Variants in ILRUN observed in about 807,000 individuals in gnomAD.
The protein encoded by ILRUN is inflammation and lipid regulator with UBA-like and NBR1-like domains.
ILRUN carries 3 observed loss-of-function variants against 33.8 expected under a neutral mutation model. That is an observed-to-expected ratio of 0.09 (90% CI 0.04 to 0.23). ILRUN has a LOEUF of 0.23. Ranked by LOEUF, ILRUN falls within the 10% of genes least tolerant of loss-of-function variation. The pLI is 1.00. For synonymous variants in ILRUN, 124 were observed against 138.9 expected (o/e 0.89, Z 0.75); for missense variants, 210 against 375.1 (o/e 0.56, Z 3.64).
chr6:34,629,920 T>C (rs1762210685), intron 3 of ILRUN, among the ~76,000 whole-genome samples: 1 of 152,170 alleles, frequency 6.6e-6, no homozygotes, highest in South Asian at 2.1e-4. Flanking sequence ...ATCCCATATA[T>C]ACTATGTTCT....
chr6:34,637,410 T>C (rs1762385769), intron 3 of ILRUN, among the ~76,000 whole-genome samples: 1 of 152,196 alleles, frequency 6.6e-6, no homozygotes, highest in South Asian at 2.1e-4. Context: ...TAAGGAAATA[T>C]CACTACTCCC....
At chr6:34,672,745 C>T (rs1763142379) in intron 1 of ILRUN, among the ~76,000 whole-genome samples, 1 of 151,654 alleles carries the variant, frequency 6.6e-6, no homozygotes, top group Non-Finnish European at 1.5e-5. Flanking sequence ...AGAACCAGAC[C>T]AGAAAGTCCA....
chr6:34,692,480 T>C (rs577052455), intron 1 of ILRUN, among the ~76,000 whole-genome samples: 3 of 152,296 alleles, frequency 2.0e-5, no homozygotes, highest in African/African-American at 4.8e-5. Flanking sequence ...ATGTCAACAG[T>C]TGCCCAGTTA....
At chr6:34,658,850 T>C (rs1450010257) in intron 1 of ILRUN, among the ~76,000 whole-genome samples, 1 of 152,168 alleles carries the variant, frequency 6.6e-6, no homozygotes, top group Non-Finnish European at 1.5e-5. Context: ...CTCCAACTCT[T>C]GGCTGTGGGG....
At chr6:34,644,415 T>G (rs1762529099) in intron 3 of ILRUN, among the ~76,000 whole-genome samples, 1 of 152,088 alleles carries the variant, frequency 6.6e-6, no homozygotes, top group African/African-American at 2.4e-5. Flanking sequence ...TTTATCAAAT[T>G]AAATGGGTAG....
rs182411794 is a variant in ILRUN at position 34,687,867 on chromosome 6, A to T, written c.158+8579T>A. On this transcript the variant is annotated intron_variant, in intron 1 of 4. Transcript: ENST00000374023. ...AAATGATTCAGCCATCGTGGAAAAG[A>T]GTTTGGTGATTCCTCAAAAACAGAT... Among the ~76,000 whole-genome samples, 743 of 152,120 alleles carry T rather than the reference A, an allele frequency of 4.9e-3. 4 individuals carry two copies. Among genetic ancestry groups the T allele is most frequent in the Admixed American group, 0.012 (189 of 15,246 alleles).
intron 3 of ILRUN, among the ~76,000 whole-genome samples, chr6:34,610,058 G>A (rs926692962): frequency 6.6e-6 from 1 of 151,938 alleles, no homozygotes; most frequent in Non-Finnish European, 1.5e-5. Flanking sequence ...CCACTCGAGA[G>A]GCTGAGGCAG....
At position 34,602,787 on chromosome 6, in the gene ILRUN, C is replaced by A. The variant is rs572657660; in HGVS notation, c.861+3768G>T. Among the ~76,000 whole-genome samples the A allele has an allele frequency of 4.6e-5, 7 of 152,324 alleles. No homozygotes were observed. In the South Asian group the frequency reaches 1.2e-3, roughly 27 times the overall value. On this transcript the variant is annotated intron_variant, in intron 4 of 4. Transcript: ENST00000374023. ...CATATATTTACTTTTCTGACTCCTT[C>A]TGACAGCTCTCCCACAGGGAGAAGC...
At chr6:34,636,067 G>A (rs1762362085) in intron 3 of ILRUN, among the ~76,000 whole-genome samples, 1 of 152,044 alleles carries the variant, frequency 6.6e-6, no homozygotes, top group African/African-American at 2.4e-5. Flanking sequence ...GACCAACCCT[G>A]GCAATGCAGT....
intron 3 of ILRUN, among the ~76,000 whole-genome samples, chr6:34,631,098 T>G (rs1354592607): frequency 6.6e-6 from 1 of 152,204 alleles, no homozygotes; most frequent in African/African-American, 2.4e-5. Context: ...GGCCTAATAA[T>G]TCCAACACGC....
intron 1 of ILRUN, among the ~76,000 whole-genome samples, chr6:34,691,751 G>A (rs893074020): frequency 8.6e-5 from 13 of 151,630 alleles, no homozygotes; most frequent in Non-Finnish European, 1.6e-4. Flanking sequence ...AGCCAAGATC[G>A]CACCACTGCA....
At chr6:34,664,372 T>C (rs1762953805) in intron 1 of ILRUN, among the ~76,000 whole-genome samples, 1 of 152,184 alleles carries the variant, frequency 6.6e-6, no homozygotes, top group Admixed American at 6.5e-5. Context: ...GGTCTTGTTA[T>C]GTTGCCCAGG....
chr6:34,657,433 C>G (rs2127367734), intron 1 of ILRUN, among the ~76,000 whole-genome samples: 1 of 152,322 alleles, frequency 6.6e-6, no homozygotes, highest in East Asian at 1.9e-4. Flanking sequence ...CCATTCCTAT[C>G]CTCAAATCTC....
At chr6:34,665,644 G>A (rs747293784) in intron 1 of ILRUN, among the ~76,000 whole-genome samples, 18 of 151,894 alleles carry the variant, frequency 1.2e-4, no homozygotes, top group Non-Finnish European at 2.2e-4. Flanking sequence ...TCACAGGCTG[G>A]TTTCGAACTC....
In ILRUN at chr6:34,646,032, G is replaced by A. The variant is rs532821896; in HGVS notation, c.511+569C>T. ...GGTCAGCTGGTATGAAGACTGTAATGAGGCTACTGGATTTGGAAACAGGGT... is the reference window on the plus strand; with the variant it reads ...GGTCAGCTGGTATGAAGACTGTAATAAGGCTACTGGATTTGGAAACAGGGT... On this transcript the variant is annotated intron_variant, in intron 3 of 4. Coordinates refer to ENST00000374023, the MANE Select transcript of ILRUN (RefSeq NM_024294.4). This position sits in a 1 kb window ranked among gnomAD's most constrained non-coding sequence, Gnocchi z 4.9. 3.3e-5 allele frequency among the ~76,000 whole-genome samples: 5 copies of A among 152,228 alleles called. No individual in the cohort carries two copies. Among genetic ancestry groups the A allele is most frequent in the Non-Finnish European group, 5.9e-5 (4 of 68,030 alleles).
intron 1 of ILRUN, among the ~76,000 whole-genome samples, chr6:34,690,830 G>C (rs949420023): frequency 3.3e-5 from 5 of 152,046 alleles, no homozygotes; most frequent in African/African-American, 1.2e-4. Flanking sequence ...TTATAATAAG[G>C]TATCATGCAA....
chr6:34,683,463 C>CATAT (rs768330830), intron 1 of ILRUN, among the ~76,000 whole-genome samples: 3 of 102,700 alleles, frequency 2.9e-5, no homozygotes, highest in South Asian at 2.8e-4. Flanking sequence ...CATATATATA[C>CATAT]ATATATATAC....
At chr6:34,653,442 T>C in intron 2 of ILRUN, among the ~76,000 whole-genome samples, 1 of 151,960 alleles carries the variant, frequency 6.6e-6, no homozygotes, top group East Asian at 1.9e-4. Flanking sequence ...GCCCAACTGG[T>C]CTCCAACTCC....
Position 34,674,113 on chromosome 6 carries a change from C to T in ILRUN, c.159-19334G>A, listed in dbSNP as rs914406393. Among the ~76,000 whole-genome samples, 8 of 152,090 alleles carry T rather than the reference C, an allele frequency of 5.3e-5. No individual in the cohort carries two copies. The East Asian group carries it at 5.8e-4, about 11-fold the overall frequency. ...TGCGATCTTGACTCACTGCAACCTC[C>T]GCCTCCGGGTTCAAGCAATTCTCCT... On this transcript the variant is annotated intron_variant, in intron 1 of 4. Transcript: ENST00000374023.
Sources: allele counts gnomAD v4.1 joint callset (sites outside exome capture counted in the v4.1 genomes callset), GRCh38; gene constraint gnomAD v4.1.1; non-coding constraint Gnocchi (gnomAD v3.1); transcripts MANE v1.5; gene names NCBI Gene and HGNC (gene_info 2026-07-23, HGNC 2026-07-21).